EPHX2: variants seen among roughly 807,000 people sequenced by gnomAD.
EPHX2 encodes the protein bifunctional epoxide hydrolase 2.
EPHX2 carries 74 observed loss-of-function variants against 78.7 expected under a neutral mutation model. The ratio of observed to expected loss-of-function variants is 0.94; its 90% confidence interval spans 0.78 to 1.14. The LOEUF (loss-of-function observed/expected upper bound fraction) is 1.14. Among genes scored for constraint, EPHX2 ranks in the 50% most tolerant of loss-of-function variants. EPHX2 has a pLI of 0.00. For synonymous variants in EPHX2, 251 were observed against 255.2 expected (o/e 0.98, Z 0.16); for missense variants, 715 against 702.5 (o/e 1.02, Z -0.20).
intron 6 of EPHX2, 57 bp from the exon 7 acceptor site, chr8:27,515,661 C>T (rs999125302): frequency 3.2e-5 from 47 of 1,449,862 alleles, no homozygotes; most frequent in Non-Finnish European, 4.1e-5. Flanking sequence ...CGCTGTGGGG[C>T]CTGGGTCCAC....
Position 27,491,161 on chromosome 8 carries a change from C to T in EPHX2, c.-48C>T. ...GTCATGCGCCCTGGCCTTCGCGCAT[C>T]TCCCAGGTTAGCTGCGTGTCCGGGT... is the stretch of plus-strand genomic sequence containing the variant. On this transcript the variant is annotated 5_prime_UTR_variant, in exon 1 of 19. Transcript: ENST00000521400. The T allele has an allele frequency of 6.6e-7, 1 of 1,524,404 alleles. No individual in the cohort carries two copies. The highest frequency in any genetic ancestry group is 8.8e-7 in the Non-Finnish European group (1 of 1,139,652). The allele number at this position is 1,524,404 out of a possible 1,614,324, so 94.4% of individuals were successfully genotyped here.
intron 11 of EPHX2, among the ~76,000 whole-genome samples, chr8:27,524,720 T>C (rs1814764212): frequency 6.6e-6 from 1 of 152,112 alleles, no homozygotes; most frequent in South Asian, 2.1e-4. Context: ...GTTCAAATGC[T>C]CCCTTTTCCA....
chr8:27,496,274 A>G (rs1254939621), intron 1 of EPHX2, among the ~76,000 whole-genome samples: 1 of 152,150 alleles, frequency 6.6e-6, no homozygotes, highest in Non-Finnish European at 1.5e-5. Flanking sequence ...ACCATAAGTA[A>G]ATCATCCACA....
chr8:27,501,602 G>A (rs1209281861), intron 2 of EPHX2, among the ~76,000 whole-genome samples: 2 of 151,610 alleles, frequency 1.3e-5, no homozygotes, highest in Non-Finnish European at 2.9e-5. Context: ...TGCTAGAAAT[G>A]GGGTTTCACC....
intron 6 of EPHX2, 69 bp downstream of exon 6, chr8:27,511,979 A>T: frequency 1.3e-6 from 2 of 1,487,378 alleles, no homozygotes; most frequent in Admixed American, 1.7e-5. Context: ...ACCAGCAGAG[A>T]CACCCAAGAG....
At chr8:27,537,294 T>G (rs1164591448) in intron 13 of EPHX2, among the ~76,000 whole-genome samples, 1 of 152,224 alleles carries the variant, frequency 6.6e-6, no homozygotes, top group Non-Finnish European at 1.5e-5. Flanking sequence ...TCTTTACTGA[T>G]CACTTCTTGC....
Position 27,525,157 on chromosome 8 carries a change from C to A in EPHX2, c.1059-205C>A, listed in dbSNP as rs973917810. On this transcript the variant is annotated intron_variant, in intron 11 of 18. Transcript: ENST00000521400. ...GTCTAAGGCAAGTTGGTGAGAAATA[C>A]TGCAGTTTAGTAGGAAAAAAACCAA... 2.0e-5 allele frequency among the ~76,000 whole-genome samples: 3 copies of A among 150,264 alleles called. No individual in the cohort carries two copies. In the South Asian group the frequency reaches 6.4e-4, roughly 32 times the overall value.
At chr8:27,515,536 A>G in intron 6 of EPHX2, 182 bp from the exon 7 acceptor site, 1 of 575,324 alleles carries the variant, frequency 1.7e-6, no homozygotes, top group Admixed American at 3.0e-5. Flanking sequence ...TTTATTGAGT[A>G]GGTTGGCCAG....
At chr8:27,547,910 G>C (rs562858129), downstream of EPHX2, among the ~76,000 whole-genome samples, 1 of 152,104 alleles carries the variant, frequency 6.6e-6, no homozygotes, top group South Asian at 2.1e-4. Context: ...TGGCTGAATA[G>C]TAAAAATATG....
At chr8:27,513,269 C>G (rs1814321359) in intron 6 of EPHX2, among the ~76,000 whole-genome samples, 1 of 152,232 alleles carries the variant, frequency 6.6e-6, no homozygotes, top group African/African-American at 2.4e-5. Flanking sequence ...GCGCCACTGA[C>G]ATCCCTTCTA....
intron 3 of EPHX2, 78 bp downstream of exon 3, chr8:27,503,841 T>C (rs1813893857): frequency 2.0e-6 from 3 of 1,492,970 alleles, no homozygotes; most frequent in Non-Finnish European, 1.8e-6. Flanking sequence ...TCCATTGAAG[T>C]GAGCTTTGAG....
rs1210815098 is a variant in EPHX2, at chr8:27,511,071, C to T, written c.661-765C>T. On this transcript the variant is annotated intron_variant, in intron 5 of 18. Coordinates refer to ENST00000521400, the MANE Select transcript of EPHX2 (RefSeq NM_001979.6). The stretch of plus-strand genomic sequence containing the variant: ...CCATCTGCAAGCCAGGGAGAGAGGC[C>T]TCAGGAGAAACCAGCCCCACCAGCA... Among the ~76,000 whole-genome samples, 3 of 152,278 alleles carry T rather than the reference C, an allele frequency of 2.0e-5. No homozygotes were observed. In the East Asian group the frequency reaches 5.8e-4, roughly 29 times the overall value.
At chr8:27,510,665 AG>A (rs1383287441) in intron 5 of EPHX2, among the ~76,000 whole-genome samples, 1 of 152,152 alleles carries the variant, frequency 6.6e-6, no homozygotes, top group African/African-American at 2.4e-5. Context: ...GAAGAAGGAG[AG>A]ATTAAGCACA....
intron 1 of EPHX2, among the ~76,000 whole-genome samples, chr8:27,497,525 T>C (rs991705365): frequency 6.6e-6 from 1 of 152,216 alleles, no homozygotes; most frequent in African/African-American, 2.4e-5. Context: ...CCTGTTCCTC[T>C]TGGTCCCTAT....
intron 12 of EPHX2, among the ~76,000 whole-genome samples, chr8:27,528,557 A>C (rs1324312875): frequency 6.6e-6 from 1 of 152,222 alleles, no homozygotes; most frequent in Non-Finnish European, 1.5e-5. Flanking sequence ...CTTCAAACTT[A>C]AGCTGATTCC....
intron 1 of EPHX2, chr8:27,493,119 TG>T: frequency 5.8e-6 from 1 of 171,334 alleles, no homozygotes; most frequent in Non-Finnish European, 1.2e-5. Flanking sequence ...GCCTTGATCC[TG>T]GAGGAAACAA....
intron 10 of EPHX2, among the ~76,000 whole-genome samples, chr8:27,522,022 G>A (rs1437548983): frequency 6.6e-6 from 1 of 152,212 alleles, no homozygotes; most frequent in Non-Finnish European, 1.5e-5. Flanking sequence ...GTTGTTTAAG[G>A]GAGGAGAGCT....
chr8:27,546,505 G>A (rs72478917), downstream of EPHX2, among the ~76,000 whole-genome samples: 12 of 152,192 alleles, frequency 7.9e-5, no homozygotes, highest in African/African-American at 2.9e-4. Context: ...CATGAGGACT[G>A]GGGGAAAGGC....
chr8:27,521,008 G>A, intron 10 of EPHX2, 99 bp downstream of exon 10: 2 of 1,503,452 alleles, frequency 1.3e-6, no homozygotes, highest in Non-Finnish European at 1.8e-6. Context: ...CACGGGCAGG[G>A]AGGGCCCATT....
Sources: allele counts gnomAD v4.1 joint callset (sites outside exome capture counted in the v4.1 genomes callset), GRCh38; gene constraint gnomAD v4.1.1; transcripts MANE v1.5; gene names NCBI Gene and HGNC (gene_info 2026-07-23, HGNC 2026-07-21).